Variants in RAG1 observed in about 807,000 individuals in gnomAD.
RAG1 encodes the protein V(D)J recombination-activating protein 1.
In RAG1, 35 loss-of-function variants were observed where a neutral mutation model predicts 62.7. That is an observed-to-expected ratio of 0.56 (90% CI 0.43 to 0.74). The LOEUF (loss-of-function observed/expected upper bound fraction) is 0.74, where lower values mean the gene tolerates loss of function less well. Among genes scored for constraint, RAG1 ranks in the 30% least tolerant of loss-of-function variants. The probability of loss-of-function intolerance (pLI) is 0.00; values close to 1 mark genes in which losing one functional copy is unlikely to be tolerated. For synonymous variants in RAG1, 461 were observed against 470.3 expected (o/e 0.98, Z 0.26); for missense variants, 1,169 against 1,278.6 (o/e 0.91, Z 1.31).
At chr11:36,560,386 G>A (rs1786495039) in intron 3 of RAG1, among the ~76,000 whole-genome samples, 1 of 152,174 alleles carries the variant, frequency 6.6e-6, no homozygotes, top group Non-Finnish European at 1.5e-5. Context: ...GCAGGGCACT[G>A]TGTGGGCTTA....
At chr11:36,565,493 T>C (rs762597880), upstream of RAG1, among the ~76,000 whole-genome samples, 13 of 152,258 alleles carry the variant, frequency 8.5e-5, no homozygotes, top group Non-Finnish European at 1.9e-4. Flanking sequence ...TAATCACTAG[T>C]CTGGGAGGTC....
At chr11:36,511,882 A>T (rs1002038140) in intron 1 of RAG1, among the ~76,000 whole-genome samples, 3 of 152,210 alleles carry the variant, frequency 2.0e-5, no homozygotes, top group African/African-American at 4.8e-5. Context: ...ACCTCCATGA[A>T]CTACAATGAC....
At chr11:36,547,722 C>T (rs1850418668) in intron 3 of RAG1, among the ~76,000 whole-genome samples, 1 of 152,174 alleles carries the variant, frequency 6.6e-6, no homozygotes, top group African/African-American at 2.4e-5. Flanking sequence ...GTCATTCCTT[C>T]TGAAACTATT....
At chr11:36,551,601 C>CTTTTTTTTTTTTT (rs199642455) in intron 3 of RAG1, among the ~76,000 whole-genome samples, 1 of 133,196 alleles carries the variant, frequency 7.5e-6, no homozygotes. Flanking sequence ...TTAATTACTT[C>CTTTTTTTTTTTTT]TTTTTTTTTT....
Position 36,573,610 on chromosome 11 carries a change from C to A in RAG1, c.306C>A (p.Ile102=). 1 of 1,614,170 alleles carries A rather than the reference C, an allele frequency of 6.2e-7. No homozygotes were observed. Among genetic ancestry groups the A allele is most frequent in the Non-Finnish European group, 8.5e-7 (1 of 1,180,034 alleles). ...ACGAGAAAGCAAGAGGCAAAGCGAT[C>A]CATCAAGCCAACCTTCGACATCTCT... ...HDNEKARGKA[I]HQANLRHLCR... Residue 102 remains isoleucine, a synonymous_variant, in exon 2 of 2, where the codon ATC becomes ATA. Coordinates refer to ENST00000299440, the MANE Select transcript of RAG1 (RefSeq NM_000448.3).
Position 36,561,353 on chromosome 11 carries a change from T to C in RAG1, c.-411-2032T>C, listed in dbSNP as rs575794957. On this transcript the variant is annotated intron_variant and NMD_transcript_variant, in intron 3 of 9. Coordinates refer to the RAG1 transcript ENST00000534663. ...GGAACTGAGGATGAGGTGAGGTCTTTGGATGACCTACTCTTCAGCCTTTGA... is the reference window on the plus strand; with the variant it reads ...GGAACTGAGGATGAGGTGAGGTCTTCGGATGACCTACTCTTCAGCCTTTGA... Among the ~76,000 whole-genome samples the C allele has an allele frequency of 3.2e-4, 49 of 152,348 alleles. 1 individual carries two copies. In the Middle Eastern group the frequency reaches 0.01, roughly 32 times the overall value.
chr11:36,547,192 G>A (rs1850406695), intron 3 of RAG1, among the ~76,000 whole-genome samples: 1 of 151,914 alleles, frequency 6.6e-6, no homozygotes, highest in Admixed American at 6.6e-5. Flanking sequence ...ATCTAAAATC[G>A]ACACCCTAGC....
chr11:36,538,313 GC>G (rs571904647), downstream of RAG1, among the ~76,000 whole-genome samples: 231 of 152,140 alleles, frequency 1.5e-3, 5 homozygotes, highest in Non-Finnish European at 1.9e-3. Context: ...CCATCCAGGG[GC>G]CAGCTGCAGT....
rs1188113947 is a variant in RAG1, at chr11:36,576,544, A to C, written c.*108A>C. 9 of 1,346,786 alleles carry C rather than the reference A, an allele frequency of 6.7e-6. No individual in the cohort carries two copies. Among genetic ancestry groups the C allele is most frequent in the Non-Finnish European group, 9.5e-6 (9 of 946,324 alleles). 83.4% of individuals were successfully genotyped at this position (1,346,786 alleles called of 1,614,324 possible). On this transcript the variant is annotated 3_prime_UTR_variant, in exon 2 of 2. Coordinates refer to ENST00000299440, the MANE Select transcript of RAG1 (RefSeq NM_000448.3). ...TGCTGTGTATGGGGCTTCACCATCC[A>C]AGAGGTGGTAGGTTGGAGTAAGATG...
chr11:36,541,763 G>A (rs1044154881), intron 3 of RAG1, among the ~76,000 whole-genome samples: 24 of 152,030 alleles, frequency 1.6e-4, no homozygotes, highest in Non-Finnish European at 7.4e-5. Context: ...AGTTCATTCC[G>A]TCTGTTCTTA....
At chr11:36,545,281 C>T (rs1850376238) in intron 3 of RAG1, among the ~76,000 whole-genome samples, 1 of 152,080 alleles carries the variant, frequency 6.6e-6, no homozygotes, top group Non-Finnish European at 1.5e-5. Context: ...AAAGCTTTAA[C>T]CTCCAATCTG....
At chr11:36,516,127 A>C (rs1451503622) in intron 1 of RAG1, among the ~76,000 whole-genome samples, 1 of 152,218 alleles carries the variant, frequency 6.6e-6, no homozygotes, top group East Asian at 1.9e-4. Context: ...TGAGATGATA[A>C]ATTCACCCAA....
chr11:36,538,012 T>C (rs1235935667), downstream of RAG1, among the ~76,000 whole-genome samples: 1 of 152,104 alleles, frequency 6.6e-6, no homozygotes, highest in Non-Finnish European at 1.5e-5. Context: ...TTAGTTTCAT[T>C]GTACTTTCTT....
In RAG1 at chr11:36,576,663, C is replaced by A; in HGVS notation, c.*227C>A. On this transcript the variant is annotated 3_prime_UTR_variant, in exon 2 of 2. Transcript: ENST00000299440. ...AAAAGCAACAGGAAAAATCAGTTATCTGAAAGCTCAGTAACTCAGAACAGG... is the reference window on the plus strand; with the variant it reads ...AAAAGCAACAGGAAAAATCAGTTATATGAAAGCTCAGTAACTCAGAACAGG... 1 of 578,644 alleles carries A rather than the reference C, an allele frequency of 1.7e-6. No individual in the cohort carries two copies. The highest frequency in any genetic ancestry group is 3.1e-6 in the Non-Finnish European group (1 of 317,650). The allele number at this position is 578,644 out of a possible 1,614,324, so 35.8% of individuals were successfully genotyped here.
At chr11:36,534,773 A>T (rs1226312599) in intron 2 of RAG1, among the ~76,000 whole-genome samples, 1 of 152,144 alleles carries the variant, frequency 6.6e-6, no homozygotes, top group Admixed American at 6.5e-5. Context: ...AAATTTATTT[A>T]ATTTTTAAGC....
At chr11:36,531,955 C>A (rs1860263094) in intron 2 of RAG1, among the ~76,000 whole-genome samples, 2 of 151,904 alleles carry the variant, frequency 1.3e-5, no homozygotes, top group South Asian at 4.1e-4. Context: ...TTAAGGAATG[C>A]TGATATATTT....
At position 36,576,209 on chromosome 11, in the gene RAG1, A is replaced by G; in HGVS notation, c.2905A>G (p.Lys969Glu). 6.2e-7 allele frequency: 1 copy of G among 1,614,140 alleles called. No individual in the cohort carries two copies. The highest frequency in any genetic ancestry group is 8.5e-7 in the Non-Finnish European group (1 of 1,180,040). Residue 969 changes from lysine (K) to glutamate (E), a missense_variant, in exon 2 of 2, where the codon AAA becomes GAA. By Grantham distance (56) the Lys-to-Glu change is moderately conservative (BLOSUM62 1). This residue lies in a region of RAG1 where 800 missense variants were observed against 943.3 expected (regional missense o/e 0.85). Transcript: ENST00000299440. ...AAGTGAGGGAAATGAGTCTGGTAAC[A>G]AACTGTTTAGGCGCTTCCGGAAAAT... ...WASEGNESGN[K>E]LFRRFRKMNA...
upstream of RAG1, chr11:36,563,550 C>T (rs935229982): frequency 6.6e-6 from 1 of 152,040 alleles, no homozygotes; most frequent in South Asian, 2.1e-4. Context: ...GATTTTTTTA[C>T]AAAAATAATC....
chr11:36,521,472 T>C (rs1192170731), intron 2 of RAG1, among the ~76,000 whole-genome samples: 2 of 152,172 alleles, frequency 1.3e-5, no homozygotes, highest in Non-Finnish European at 1.5e-5. Flanking sequence ...TCTACCATGA[T>C]TGTGAGGCCT....
Sources: gnomAD v4.1 joint callset for allele counts (sites outside exome capture counted in the v4.1 genomes callset) on GRCh38, gnomAD v4.1.1 for gene constraint, gnomAD v4.1.1 regional missense constraint, MANE v1.5 for transcripts, NCBI Gene and HGNC (gene_info 2026-07-23, HGNC 2026-07-21) for gene names.